Variants in GALNTL6 observed in about 807,000 individuals in gnomAD.
GALNTL6 encodes polypeptide N-acetylgalactosaminyltransferase-like 6.
GALNTL6 carries 46 observed loss-of-function variants against 73.7 expected under a neutral mutation model. The ratio of observed to expected loss-of-function variants is 0.62; its 90% CI spans 0.49 to 0.80. The LOEUF is 0.80. Ranked by LOEUF, GALNTL6 falls within the 30% of genes least tolerant of loss-of-function variation. The pLI is 0.00. For missense variants in GALNTL6, 604 were observed against 755.0 expected (o/e 0.80, Z 2.34); for synonymous variants, 259 against 263.7 (o/e 0.98, Z 0.17).
intron 5 of GALNTL6, among the ~76,000 whole-genome samples, chr4:172,365,168 A>G (rs1160580743): frequency 1.3e-5 from 2 of 152,184 alleles, no homozygotes; most frequent in African/African-American, 4.8e-5. Flanking sequence ...TTAAGGGTTT[A>G]GGGAGAGAGC....
chr4:173,021,328 A>C (rs1372139936), intron 11 of GALNTL6, 148 bp from the exon 12 acceptor site: 2 of 778,894 alleles, frequency 2.6e-6, no homozygotes, highest in Non-Finnish European at 4.1e-6. Context: ...TGCCTTTTCC[A>C]ACACCTCTGT....
chr4:172,193,433 AAAG>A (rs574614283), intron 2 of GALNTL6, among the ~76,000 whole-genome samples: 130 of 152,304 alleles, frequency 8.5e-4, no homozygotes, highest in African/African-American at 3.0e-3. Flanking sequence ...GCAGCCTGGC[AAAG>A]AAGGGCCTTA....
At chr4:172,970,072 C>T (rs944503173) in intron 10 of GALNTL6, among the ~76,000 whole-genome samples, 6 of 152,072 alleles carry the variant, frequency 3.9e-5, no homozygotes, top group South Asian at 2.1e-4. Context: ...AGGGTGTGTA[C>T]GAACAGGGAG....
At chr4:172,001,469 TG>T (rs1740669802) in intron 2 of GALNTL6, among the ~76,000 whole-genome samples, 1 of 152,130 alleles carries the variant, frequency 6.6e-6, no homozygotes, top group African/African-American at 2.4e-5. Context: ...GAAAAGGAGA[TG>T]GGTTCAGAAT....
At chr4:172,300,596 T>TA (rs1223329686) in intron 3 of GALNTL6, among the ~76,000 whole-genome samples, 1 of 152,170 alleles carries the variant, frequency 6.6e-6, no homozygotes, top group Admixed American at 6.5e-5. Flanking sequence ...CATTTGCTTG[T>TA]CTATAAAGGA....
intron 8 of GALNTL6, among the ~76,000 whole-genome samples, chr4:172,928,850 T>C (rs760789232): frequency 2.0e-5 from 3 of 152,202 alleles, no homozygotes; most frequent in Non-Finnish European, 4.4e-5. Flanking sequence ...ATAAAGCATT[T>C]ATCCAGAAAT....
intron 5 of GALNTL6, among the ~76,000 whole-genome samples, chr4:172,804,463 G>T (rs1219229861): frequency 6.6e-6 from 1 of 152,142 alleles, no homozygotes; most frequent in African/African-American, 2.4e-5. Flanking sequence ...CATATCTCCA[G>T]ATCAATAGTG....
chr4:171,975,895 A>G (rs1688987033), intron 2 of GALNTL6, among the ~76,000 whole-genome samples: 1 of 152,028 alleles, frequency 6.6e-6, no homozygotes, highest in Non-Finnish European at 1.5e-5. Flanking sequence ...AATTGACTTC[A>G]TGCACAAAAT....
Position 171,902,541 on chromosome 4 carries a change from G to C in GALNTL6, c.138+87823G>C, listed in dbSNP as rs1372101669. Among the ~76,000 whole-genome samples the C allele has an allele frequency of 2.0e-5, 3 of 152,198 alleles. No individual in the cohort carries two copies. The South Asian group carries it at 6.2e-4, about 32-fold the overall frequency. On this transcript the variant is annotated intron_variant, in intron 2 of 12. Transcript: ENST00000506823. ...ATGTTTTGAAGGGACACAGGAATCA[G>C]GACAGATGATGTATGGAAAGAGATT... is the stretch of plus-strand genomic sequence containing the variant.
chr4:172,909,218 C>A (rs917652469), intron 8 of GALNTL6, among the ~76,000 whole-genome samples: 3 of 148,904 alleles, frequency 2.0e-5, no homozygotes, highest in Non-Finnish European at 3.0e-5. Context: ...CCTAAGAAGA[C>A]AAATCATTTT....
chr4:172,816,387 C>T (rs1245026342), intron 7 of GALNTL6, among the ~76,000 whole-genome samples: 6 of 152,074 alleles, frequency 3.9e-5, no homozygotes, highest in Non-Finnish European at 1.5e-5. Flanking sequence ...GTTTTCCAAC[C>T]TGAAAATTCT....
At chr4:171,935,589 C>T (rs962200785) in intron 2 of GALNTL6, among the ~76,000 whole-genome samples, 5 of 152,126 alleles carry the variant, frequency 3.3e-5, no homozygotes, top group African/African-American at 9.7e-5. Context: ...CTTACCTCAG[C>T]GTCCAGAATA....
Position 172,572,135 on chromosome 4 carries a change from G to T in GALNTL6, c.553+223446G>T, listed in dbSNP as rs559732722. 2.6e-5 allele frequency among the ~76,000 whole-genome samples: 4 copies of T among 152,198 alleles called. No individual in the cohort carries two copies. The East Asian group carries it at 7.7e-4, about 29-fold the overall frequency. On this transcript the variant is annotated intron_variant, in intron 5 of 12. Transcript: ENST00000506823. ...ATCAGATCACCTAATGCTGTTCTCTGCACACTCATCTCACTGCTACAGTCT... is the reference window on the plus strand; with the variant it reads ...ATCAGATCACCTAATGCTGTTCTCTTCACACTCATCTCACTGCTACAGTCT...
intron 4 of GALNTL6, among the ~76,000 whole-genome samples, chr4:172,331,526 A>G (rs1217896756): frequency 6.6e-6 from 1 of 152,254 alleles, no homozygotes; most frequent in Non-Finnish European, 1.5e-5. Context: ...CTGGTTGATT[A>G]GTAGCTTCCC....
intron 10 of GALNTL6, among the ~76,000 whole-genome samples, chr4:172,968,289 T>C (rs762899110): frequency 1.3e-5 from 2 of 152,090 alleles, no homozygotes; most frequent in Non-Finnish European, 2.9e-5. Context: ...TCACGCCCAA[T>C]AGGAGAAGAG....
In GALNTL6 at chr4:172,243,926, T is replaced by C. The variant is rs188113485; in HGVS notation, c.247+14162T>C. On this transcript the variant is annotated intron_variant, in intron 3 of 12. Transcript: ENST00000506823. ...AAAGTAAAAATAGCAACCATTGCTA[T>C]GGCTACAATGGGTTTCTGGTCATCT... Among the ~76,000 whole-genome samples the C allele has an allele frequency of 3.9e-5, 6 of 152,292 alleles. No individual in the cohort carries two copies. In the East Asian group the frequency reaches 9.7e-4, roughly 25 times the overall value.
chr4:172,591,640 C>A (rs1246805932), intron 5 of GALNTL6, among the ~76,000 whole-genome samples: 3 of 152,168 alleles, frequency 2.0e-5, no homozygotes, highest in African/African-American at 4.8e-5. Flanking sequence ...CCTAAACAGG[C>A]TTTCCTGATT....
At chr4:172,002,858 T>C (rs1272605210) in intron 2 of GALNTL6, among the ~76,000 whole-genome samples, 1 of 152,148 alleles carries the variant, frequency 6.6e-6, no homozygotes, top group Non-Finnish European at 1.5e-5. Context: ...GAATGGATGG[T>C]TCTCCCATTC....
intron 5 of GALNTL6, among the ~76,000 whole-genome samples, chr4:172,694,073 G>A (rs1200397123): frequency 2.0e-5 from 3 of 151,442 alleles, no homozygotes; most frequent in South Asian, 4.2e-4. Context: ...AAGAAGTATT[G>A]GTTTATTTGA....
Sources: gnomAD v4.1 joint callset for allele counts (sites outside exome capture counted in the v4.1 genomes callset) on GRCh38, gnomAD v4.1.1 for gene constraint, MANE v1.5 for transcripts, NCBI Gene and HGNC (gene_info 2026-07-23, HGNC 2026-07-21) for gene names.